Variants in SH3RF1 observed in about 807,000 individuals in gnomAD.
The protein encoded by SH3RF1 is E3 ubiquitin-protein ligase SH3RF1.
In SH3RF1, 32 loss-of-function variants were observed where a neutral mutation model predicts 74.0. The ratio of observed to expected loss-of-function variants is 0.43; its 90% confidence interval spans 0.33 to 0.58. The LOEUF is 0.58. Ranked by LOEUF, SH3RF1 falls within the 20% of genes least tolerant of loss-of-function variation. The probability of loss-of-function intolerance (pLI) is 0.05; values close to 1 mark genes in which losing one functional copy is unlikely to be tolerated. For missense variants in SH3RF1, 954 were observed against 1,130.9 expected, an observed-to-expected ratio of 0.84 and a Z score of 2.24; for synonymous variants, 396 against 439.6, an observed-to-expected ratio of 0.90 and a Z score of 1.24.
In SH3RF1 at chr4:169,268,753, AAAG is replaced by A. The variant is rs1300721265; in HGVS notation, c.393+64_393+66del. On this transcript the variant is annotated intron_variant, in intron 2 of 11. Coordinates refer to ENST00000284637, the MANE Select transcript of SH3RF1 (RefSeq NM_020870.4). ...GAGTTGACTTCGAAAACACCAAGCT[AAAG>A]AATAAAGAAAAAATGTGGACATTAC... 2.0e-6 allele frequency: 3 copies of A among 1,495,452 alleles called. No individual in the cohort carries two copies. In the African/African-American group the frequency reaches 4.2e-5, roughly 21 times the overall value. The allele number at this position is 1,495,452 out of a possible 1,614,324, so 92.6% of individuals were successfully genotyped here. A position where few individuals can be genotyped will look rare whatever the true frequency, so the allele number is the denominator to read the frequency against.
chr4:169,227,856 G>A (rs1473023584), intron 2 of SH3RF1, among the ~76,000 whole-genome samples: 1 of 152,166 alleles, frequency 6.6e-6, no homozygotes. Flanking sequence ...CTGGACACGA[G>A]AACAGAGTTT....
At position 169,106,941 on chromosome 4, in the gene SH3RF1, G is replaced by T. The variant is rs565197152; in HGVS notation, c.2404C>A (p.Leu802Met). 1.9e-6 allele frequency: 3 copies of T among 1,613,886 alleles called. No homozygotes were observed. In the South Asian group the frequency reaches 3.3e-5, roughly 18 times the overall value. Residue 802 changes from leucine to methionine, a missense_variant, in exon 11 of 12, where the codon CTG (leucine) becomes ATG (methionine). Transcript: ENST00000284637. ...QDAFHRKASS[L>M]DSAVPIAPPP... ...GGAGCGATGGGAACTGCGGAGTCCA[G>T]GGAACTTGCCTTCCTATGAAAAGCA...
At chr4:169,156,852 A>G (rs1426004676) in intron 2 of SH3RF1, among the ~76,000 whole-genome samples, 173 bp from the exon 3 acceptor site, 1 of 152,232 alleles carries the variant, frequency 6.6e-6, no homozygotes, top group East Asian at 1.9e-4. Flanking sequence ...AGAAAACACA[A>G]AACAATTGTC....
chr4:169,190,155 T>C (rs952437415), intron 2 of SH3RF1, among the ~76,000 whole-genome samples: 2 of 151,932 alleles, frequency 1.3e-5, no homozygotes, highest in African/African-American at 4.8e-5. Flanking sequence ...AGGTCACACC[T>C]CAAGGAACCG....
chr4:169,103,862 T>C (rs938979327), intron 11 of SH3RF1, among the ~76,000 whole-genome samples: 4 of 152,224 alleles, frequency 2.6e-5, no homozygotes, highest in African/African-American at 4.8e-5. Context: ...CAAAGACCCC[T>C]TTCCCACTTG....
At chr4:169,241,396 C>T (rs1370064311) in intron 2 of SH3RF1, among the ~76,000 whole-genome samples, 1 of 152,218 alleles carries the variant, frequency 6.6e-6, no homozygotes, top group African/African-American at 2.4e-5. Context: ...AGCCGAAAGG[C>T]AGTGAACTTC....
chr4:169,179,763 C>T (rs1579122698), intron 2 of SH3RF1, among the ~76,000 whole-genome samples: 1 of 152,284 alleles, frequency 6.6e-6, no homozygotes, highest in African/African-American at 2.4e-5. Flanking sequence ...CATTTGCTTC[C>T]AAGTGAAACA....
intron 2 of SH3RF1, among the ~76,000 whole-genome samples, chr4:169,234,535 T>C (rs1730796812): frequency 6.6e-6 from 1 of 152,212 alleles, no homozygotes. Context: ...AATGATATCC[T>C]AATAGCTGCT....
chr4:169,241,359 A>C (rs753061437), intron 2 of SH3RF1, among the ~76,000 whole-genome samples: 6 of 152,254 alleles, frequency 3.9e-5, no homozygotes, highest in Non-Finnish European at 8.8e-5. Context: ...CGACTTGAAT[A>C]GATTTTCTTC....
In SH3RF1 at chr4:169,232,275, G is replaced by A. The variant is rs923730358; in HGVS notation, c.393+36545C>T. ...GATGTTCAAATCCACATTTGGGAAA[G>A]ACCGCCATAGCAATGTGAAGAATGA... On this transcript the variant is annotated intron_variant, in intron 2 of 11. Coordinates refer to ENST00000284637, the MANE Select transcript of SH3RF1 (RefSeq NM_020870.4). Among the ~76,000 whole-genome samples the A allele has an allele frequency of 2.6e-5, 4 of 152,204 alleles. No homozygotes were observed. The East Asian group carries it at 7.7e-4, about 29-fold the overall frequency.
rs117166768 is a variant in SH3RF1 at position 169,254,164 on chromosome 4, A to G, written c.393+14656T>C. Among the ~76,000 whole-genome samples the G allele has an allele frequency of 1.4e-4, 21 of 152,352 alleles. No homozygotes were observed. The East Asian group carries it at 4.1e-3, about 29-fold the overall frequency. On this transcript the variant is annotated intron_variant, in intron 2 of 11. Coordinates refer to ENST00000284637, the MANE Select transcript of SH3RF1 (RefSeq NM_020870.4). ...GACACTCCAACTTACAAGGATGTGA[A>G]TGTGTTCCGATGGACCTTGGAATTC...
chr4:169,159,381 G>A (rs1020801311), intron 2 of SH3RF1, among the ~76,000 whole-genome samples: 1 of 152,212 alleles, frequency 6.6e-6, no homozygotes, highest in African/African-American at 2.4e-5. Context: ...TCGACAGAGA[G>A]AGAGAGATAG....
At chr4:169,099,348 G>C (rs1028607679) in intron 11 of SH3RF1, among the ~76,000 whole-genome samples, 1 of 152,190 alleles carries the variant, frequency 6.6e-6, no homozygotes, top group Non-Finnish European at 1.5e-5. Context: ...CTCAGCCCCA[G>C]AAAGTGCTGG....
chr4:169,197,624 CA>C lies in SH3RF1; in HGVS notation c.394-40946del, dbSNP rs530886905. 1.4e-3 allele frequency among the ~76,000 whole-genome samples: 157 copies of C among 114,110 alleles called. 1 individual carries two copies. Among genetic ancestry groups the C allele is most frequent in the African/African-American group, 2.2e-3 (64 of 29,316 alleles). The allele number at this position is 114,110 out of a possible 152,430, so 74.9% of individuals were successfully genotyped here. ...GGGCGACAAAAGCAAGACTCTGTCT[CA>C]AAAAAAAAAAAAAAGCCCACCTTAG... On this transcript the variant is annotated intron_variant, in intron 2 of 11. Transcript: ENST00000284637.
chr4:169,117,782 C>T lies in SH3RF1; in HGVS notation c.1518G>A (p.Arg506=), dbSNP rs1733362626. ...FPGNYVAPVT[R]AVTNASQAKV... Reference sequence around the variant, plus strand: ...TAGCTTGGGAAGCATTTGTCACCGCCCTGCCAAGACACAAACATAGATGGA... The same window carrying T: ...TAGCTTGGGAAGCATTTGTCACCGCTCTGCCAAGACACAAACATAGATGGA... The change falls in exon 9 of 12, where the codon AGG becomes AGA. Residue 506 remains arginine (R), a splice_region_variant and synonymous_variant. Transcript: ENST00000284637. 2 of 1,606,548 alleles carry T rather than the reference C, an allele frequency of 1.2e-6. No homozygotes were observed. Among genetic ancestry groups the T allele is most frequent in the African/African-American group, 2.7e-5 (2 of 74,760 alleles).
intron 11 of SH3RF1, among the ~76,000 whole-genome samples, chr4:169,099,228 A>G (rs984306735): frequency 2.0e-5 from 3 of 152,144 alleles, no homozygotes; most frequent in African/African-American, 7.2e-5. Context: ...GGCTGGGACT[A>G]CAGGTGTGTG....
chr4:169,227,394 AT>A (rs1730668104), intron 2 of SH3RF1, among the ~76,000 whole-genome samples: 1 of 152,314 alleles, frequency 6.6e-6, no homozygotes, highest in Admixed American at 6.5e-5. Context: ...TTATCACCAA[AT>A]ATTTCATCTT....
chr4:169,199,802 TTAAGG>T (rs1734879928), intron 2 of SH3RF1, among the ~76,000 whole-genome samples: 1 of 152,088 alleles, frequency 6.6e-6, no homozygotes, highest in African/African-American at 2.4e-5. Flanking sequence ...AAATAAAATA[TTAAGG>T]TAAGGTGACA....
chr4:169,262,767 A>C (rs1731299820), intron 2 of SH3RF1, among the ~76,000 whole-genome samples: 1 of 152,198 alleles, frequency 6.6e-6, no homozygotes, highest in African/African-American at 2.4e-5. Flanking sequence ...ATAAAAAAGA[A>C]TCATTACTTT....
Sources: gnomAD v4.1 joint callset for allele counts (sites outside exome capture counted in the v4.1 genomes callset) on GRCh38, gnomAD v4.1.1 for gene constraint, MANE v1.5 for transcripts, NCBI Gene and HGNC (gene_info 2026-07-23, HGNC 2026-07-21) for gene names.